KIF6: variants seen among roughly 807,000 people sequenced by gnomAD.
KIF6 encodes the protein kinesin-like protein KIF6.
A neutral mutation model predicts 112.7 loss-of-function variants in KIF6; 106 were observed. That is an observed-to-expected ratio of 0.94 (90% CI 0.80 to 1.11). The LOEUF (loss-of-function observed/expected upper bound fraction) is 1.11, where lower values mean the gene tolerates loss of function less well. Among genes scored for constraint, KIF6 ranks in the 50% least tolerant of loss-of-function variants. KIF6 has a pLI of 0.00. For missense variants in KIF6, 929 were observed against 964.0 expected (o/e 0.96, Z 0.48); for synonymous variants, 339 against 339.9 (o/e 1.00, Z 0.03).
At chr6:39,702,609 C>T (rs1189802924) in intron 3 of KIF6, among the ~76,000 whole-genome samples, 1 of 152,126 alleles carries the variant, frequency 6.6e-6, no homozygotes. Context: ...ATCTTTTTCT[C>T]CAGGCTGGTC....
At chr6:39,443,186 C>T (rs1292611531) in intron 13 of KIF6, among the ~76,000 whole-genome samples, 1 of 149,180 alleles carries the variant, frequency 6.7e-6, no homozygotes, top group Non-Finnish European at 1.5e-5. Context: ...AAGAAAGAGG[C>T]TCCAGATTCT....
chr6:39,521,255 C>A (rs1375863916), intron 13 of KIF6, among the ~76,000 whole-genome samples: 4 of 152,046 alleles, frequency 2.6e-5, no homozygotes, highest in Admixed American at 2.0e-4. Context: ...TCTGTTTGAC[C>A]CAAATCAAAC....
At chr6:39,437,033 T>C (rs954896143) in intron 13 of KIF6, among the ~76,000 whole-genome samples, 5 of 72,174 alleles carry the variant, frequency 6.9e-5, no homozygotes, top group Non-Finnish European at 1.2e-4. Flanking sequence ...GTGTCATCTA[T>C]GTTTTTTTTC....
At chr6:39,531,419 A>C (rs1378882371) in intron 13 of KIF6, among the ~76,000 whole-genome samples, 1 of 152,164 alleles carries the variant, frequency 6.6e-6, no homozygotes, top group East Asian at 1.9e-4. Flanking sequence ...GTGGGCAAGA[A>C]GACATAGAAA....
chr6:39,565,864 A>T (rs1205834627), intron 10 of KIF6, among the ~76,000 whole-genome samples: 2 of 152,242 alleles, frequency 1.3e-5, no homozygotes, highest in Admixed American at 1.3e-4. Flanking sequence ...TGACATGTCC[A>T]GTTTTGAAAG....
intron 13 of KIF6, among the ~76,000 whole-genome samples, chr6:39,491,611 T>G (rs960449693): frequency 8.5e-5 from 13 of 152,232 alleles, no homozygotes; most frequent in Admixed American, 4.6e-4. Flanking sequence ...TAACATTGGC[T>G]TTGGGACCAG....
intron 3 of KIF6, among the ~76,000 whole-genome samples, chr6:39,660,475 C>T (rs1786072382): frequency 6.6e-6 from 1 of 152,096 alleles, no homozygotes; most frequent in African/African-American, 2.4e-5. Flanking sequence ...TGTCAATGTC[C>T]CTTCGGAGGT....
In KIF6 at chr6:39,343,745, A is replaced by G; in HGVS notation, c.2392T>C (p.Phe798Leu). 6.2e-7 allele frequency: 1 copy of G among 1,612,836 alleles called. No homozygotes were observed. The highest frequency in any genetic ancestry group is 1.7e-5 in the Admixed American group (1 of 59,774). Reference protein sequence around the residue: ...DSQTDSDIIAFIKARQSILQK... With the variant: ...DSQTDSDIIALIKARQSILQK... ...AGAATGCTCTGTCTGGCCTTGATGA[A>G]GGCGATGATGTCCGAGTCCGTCTGG... The change falls in exon 22 of 23, where the codon TTC (phenylalanine) becomes CTC (leucine). Residue 798 changes from phenylalanine to leucine, a missense_variant. Phe to Leu is a conservative substitution (Grantham distance 22, BLOSUM62 0). Around this residue, in one of 2 missense-constraint regions of KIF6, gnomAD observed 241 missense variants for 301.4 expected, o/e 0.80. Coordinates refer to ENST00000287152, the MANE Select transcript of KIF6 (RefSeq NM_145027.6). The surrounding 1 kb of genome is among the most constrained non-coding windows in gnomAD (Gnocchi z 4.1).
chr6:39,575,275 CTT>C (rs142101964), intron 10 of KIF6, among the ~76,000 whole-genome samples: 7 of 143,502 alleles, frequency 4.9e-5, no homozygotes, highest in Admixed American at 1.4e-4. Flanking sequence ...TCTTATTTTT[CTT>C]TTTTTTTTTT....
intron 13 of KIF6, among the ~76,000 whole-genome samples, chr6:39,498,569 T>C (rs1312965044): frequency 2.0e-5 from 3 of 152,168 alleles, no homozygotes; most frequent in Non-Finnish European, 4.4e-5. Flanking sequence ...CAGTGTTGCA[T>C]CTACTCCATC....
At chr6:39,456,985 C>T (rs1773163037) in intron 13 of KIF6, among the ~76,000 whole-genome samples, 1 of 145,898 alleles carries the variant, frequency 6.9e-6, no homozygotes, top group South Asian at 2.2e-4. Context: ...AACAAGGATA[C>T]CCAGGAATTG....
intron 13 of KIF6, among the ~76,000 whole-genome samples, chr6:39,456,013 C>A (rs1773071491): frequency 1.3e-5 from 1 of 78,058 alleles, no homozygotes; most frequent in African/African-American, 5.1e-5. Flanking sequence ...TCAGGAAATA[C>A]AGAGAATGCC....
chr6:39,654,159 ACAGT>A (rs1217029140), intron 3 of KIF6, among the ~76,000 whole-genome samples: 5 of 152,296 alleles, frequency 3.3e-5, no homozygotes, highest in African/African-American at 1.2e-4. Flanking sequence ...GGTGGGGAAG[ACAGT>A]CAGTCATATT....
In KIF6 at chr6:39,709,664, G is replaced by A. The variant is rs1789426356; in HGVS notation, c.251+5028C>T. Among the ~76,000 whole-genome samples the A allele has an allele frequency of 2.0e-5, 3 of 152,206 alleles. No individual in the cohort carries two copies. The South Asian group carries it at 6.2e-4, about 32-fold the overall frequency. ...TTCCTGAATTACAGAATTTTGGACA[G>A]AAATGTGATTAGTTTTATTTAGCCT... On this transcript the variant is annotated intron_variant, in intron 3 of 22. Coordinates refer to ENST00000287152, the MANE Select transcript of KIF6 (RefSeq NM_145027.6).
At chr6:39,653,513 G>A (rs1424968015) in intron 3 of KIF6, among the ~76,000 whole-genome samples, 1 of 152,158 alleles carries the variant, frequency 6.6e-6, no homozygotes, top group Non-Finnish European at 1.5e-5. Context: ...AGATTCAGAG[G>A]AGAGGAAAGA....
chr6:39,346,049 GCTCTCTCTCTCTCTCTCTCT>G (rs1203700665), intron 20 of KIF6, among the ~76,000 whole-genome samples: 1 of 28,994 alleles, frequency 3.4e-5, no homozygotes, highest in African/African-American at 1.3e-4. Flanking sequence ...AAACTACAGT[GCTCTCTCTCTCTCTCTCTCT>G]CTCTCTCTCT....
rs199981966 is a variant in KIF6, at chr6:39,342,631, A to T, written c.2428+1078T>A. On this transcript the variant is annotated intron_variant, in intron 22 of 22. Transcript: ENST00000287152. The surrounding 1 kb of genome is among the most constrained non-coding windows in gnomAD (Gnocchi z 4.7). The stretch of plus-strand genomic sequence containing the variant: ...TTTTTATTTTTTTTTATTTTTTTTT[A>T]TTTTTAGACAAGGAAACTGAGAATG... Among the ~76,000 whole-genome samples, 10,027 of 92,642 alleles carry T rather than the reference A, an allele frequency of 0.11. 1,682 individuals carry two copies. Among genetic ancestry groups the T allele is most frequent in the African/African-American group, 0.38 (6,877 of 18,094 alleles). 60.8% of individuals were successfully genotyped at this position (92,642 alleles called of 152,430 possible). A position where few individuals can be genotyped will look rare whatever the true frequency, so the allele number is the denominator to read the frequency against.
At chr6:39,384,014 T>C (rs762000505) in intron 16 of KIF6, among the ~76,000 whole-genome samples, 4 of 152,258 alleles carry the variant, frequency 2.6e-5, no homozygotes, top group Non-Finnish European at 4.4e-5. Context: ...GAGACTTTGC[T>C]GAAGCAGTTT....
chr6:39,430,139 C>T (rs1283840971), intron 14 of KIF6, among the ~76,000 whole-genome samples: 2 of 152,036 alleles, frequency 1.3e-5, no homozygotes, highest in East Asian at 3.9e-4. Context: ...ATTATTTTCT[C>T]CTGGTTCGCC....
Sources: allele counts gnomAD v4.1 joint callset (sites outside exome capture counted in the v4.1 genomes callset), GRCh38; gene constraint gnomAD v4.1.1; regional missense constraint gnomAD v4.1.1; non-coding constraint Gnocchi (gnomAD v3.1); transcripts MANE v1.5; gene names NCBI Gene and HGNC (gene_info 2026-07-23, HGNC 2026-07-21).